Variants in RANBP2 observed in about 807,000 individuals in gnomAD.
RANBP2 encodes E3 SUMO-protein ligase RanBP2.
RANBP2 carries 57 observed loss-of-function variants against 303.6 expected under a neutral mutation model. The observed-to-expected ratio is 0.19, with a 90% CI of 0.15 to 0.23. RANBP2 has a LOEUF of 0.23. RANBP2 is among the 10% of genes least tolerant of loss of function. The pLI, the probability that RANBP2 is intolerant of heterozygous loss-of-function variation, is 1.00. For missense variants in RANBP2, 3,138 were observed against 3,780.8 expected, an observed-to-expected ratio of 0.83 and a Z score of 4.46; for synonymous variants, 1,167 against 1,301.5, an observed-to-expected ratio of 0.90 and a Z score of 2.23.
At chr2:109,078,155 GTA>G in the RANBP2 span, among the ~76,000 whole-genome samples, 114 of 92,996 alleles carry the variant, frequency 1.2e-3, 5 homozygotes, top group African/African-American at 4.0e-3. Flanking sequence ...TATATAGCAT[GTA>G]TATATATATA....
At chr2:108,892,805 T>C in the RANBP2 span, among the ~76,000 whole-genome samples, 1 of 152,228 alleles carries the variant, frequency 6.6e-6, no homozygotes, top group African/African-American at 2.4e-5. Context: ...GGCAGGCTGC[T>C]TGTCTCCCTT....
At chr2:109,208,799 C>T in the RANBP2 span, among the ~76,000 whole-genome samples, 1 of 152,190 alleles carries the variant, frequency 6.6e-6, no homozygotes, top group Non-Finnish European at 1.5e-5. Context: ...ATGTGTTGAG[C>T]AGATGTCTCA....
the RANBP2 span, among the ~76,000 whole-genome samples, chr2:109,490,229 T>A: frequency 1.3e-5 from 2 of 152,192 alleles, no homozygotes; most frequent in Non-Finnish European, 2.9e-5. Context: ...ATAGAAATAA[T>A]GTCAGTCTTC....
chr2:108,971,881 G>C, the RANBP2 span, among the ~76,000 whole-genome samples: 2 of 152,208 alleles, frequency 1.3e-5, no homozygotes, highest in Non-Finnish European at 1.5e-5. Context: ...CAATTACAGA[G>C]ACCAGGTCAC....
the RANBP2 span, among the ~76,000 whole-genome samples, chr2:109,639,856 G>T: frequency 6.6e-5 from 10 of 151,084 alleles, no homozygotes; most frequent in Non-Finnish European, 1.0e-4. Flanking sequence ...GATTACAGGC[G>T]CATGCCACCA....
chr2:108,775,245 C>T (rs1354693332), intron 23 of RANBP2, among the ~76,000 whole-genome samples: 2 of 152,078 alleles, frequency 1.3e-5, no homozygotes, highest in African/African-American at 2.4e-5. Flanking sequence ...ATATCATTCT[C>T]TTATTGATTT....
the RANBP2 span, among the ~76,000 whole-genome samples, chr2:109,515,596 C>T: frequency 1.3e-5 from 2 of 152,118 alleles, no homozygotes; most frequent in East Asian, 1.9e-4. Context: ...ACCCCAAACT[C>T]GGCCATGGCT....
At chr2:109,040,036 T>A in the RANBP2 span, among the ~76,000 whole-genome samples, 2 of 152,228 alleles carry the variant, frequency 1.3e-5, no homozygotes, top group Admixed American at 1.3e-4. Context: ...CCCAGAAACA[T>A]AAAGTTATTT....
the RANBP2 span, among the ~76,000 whole-genome samples, chr2:109,110,528 C>A: frequency 1.3e-5 from 2 of 152,168 alleles, no homozygotes; most frequent in Admixed American, 6.5e-5. Context: ...ACACCTGGAA[C>A]TGAGGGAGAC....
the RANBP2 span, among the ~76,000 whole-genome samples, chr2:109,448,099 T>C: frequency 1.3e-5 from 2 of 152,120 alleles, no homozygotes. Flanking sequence ...ATACCCAGTG[T>C]GGAAACCAAG....
chr2:108,756,113 A>C (rs1676298350), intron 17 of RANBP2, among the ~76,000 whole-genome samples: 1 of 152,182 alleles, frequency 6.6e-6, no homozygotes, highest in African/African-American at 2.4e-5. Flanking sequence ...TGTTTTATTT[A>C]AAATATAAGA....
chr2:109,574,986 A>G, the RANBP2 span, among the ~76,000 whole-genome samples: 1 of 152,262 alleles, frequency 6.6e-6, no homozygotes, highest in African/African-American at 2.4e-5. Flanking sequence ...TGATAAATCC[A>G]TCACATAAGT....
At chr2:109,390,108 G>A in the RANBP2 span, among the ~76,000 whole-genome samples, 5 of 152,258 alleles carry the variant, frequency 3.3e-5, no homozygotes, top group East Asian at 3.9e-4. Context: ...AGTGTCTACC[G>A]GAGGCCATGC....
the RANBP2 span, chr2:108,839,346 A>G: frequency 3.4e-5 from 50 of 1,455,432 alleles, no homozygotes; most frequent in African/African-American, 2.8e-4. Flanking sequence ...ACTCCACCTA[A>G]TATTACTTCT....
the RANBP2 span, among the ~76,000 whole-genome samples, chr2:109,293,521 C>A: frequency 2.0e-5 from 3 of 152,358 alleles, no homozygotes; most frequent in East Asian, 5.8e-4. Context: ...CCATGTCAGG[C>A]AGTCATCCTC....
the RANBP2 span, among the ~76,000 whole-genome samples, chr2:109,093,313 T>G: frequency 6.6e-6 from 1 of 151,256 alleles, no homozygotes; most frequent in East Asian, 1.9e-4. Context: ...TTGTCATTTA[T>G]TAAGGTTCCC....
chr2:108,830,206 T>C, the RANBP2 span, among the ~76,000 whole-genome samples: 1 of 152,160 alleles, frequency 6.6e-6, no homozygotes, highest in Admixed American at 6.5e-5. Context: ...GTACCTAGAA[T>C]AGTCAAATTT....
chr2:108,871,480 G>C, the RANBP2 span, among the ~76,000 whole-genome samples: 2 of 151,968 alleles, frequency 1.3e-5, no homozygotes, highest in Non-Finnish European at 2.9e-5. Flanking sequence ...TGAACCCAGA[G>C]GGAGGAGGCT....
the RANBP2 span, among the ~76,000 whole-genome samples, chr2:109,047,559 A>G: frequency 6.6e-6 from 1 of 152,244 alleles, no homozygotes; most frequent in Non-Finnish European, 1.5e-5. Flanking sequence ...CTGTAATCCC[A>G]GCACTTTGGG....
Sources: gnomAD v4.1 joint callset for allele counts (sites outside exome capture counted in the v4.1 genomes callset) on GRCh38, gnomAD v4.1.1 for gene constraint, MANE v1.5 for transcripts, NCBI Gene and HGNC (gene_info 2026-07-23, HGNC 2026-07-21) for gene names.